The following GRIK4 variants were observed in gnomAD, a reference collection of about 807,000 sequenced individuals.
GRIK4 encodes glutamate ionotropic receptor kainate type subunit 4, also known as glutamate receptor ionotropic, kainate 4.
Under a neutral mutation model 104.9 loss-of-function variants are expected in GRIK4, and 40 were observed. That is an observed-to-expected ratio of 0.38 (90% CI 0.30 to 0.50). The LOEUF (loss-of-function observed/expected upper bound fraction) is 0.50, where lower values mean the gene tolerates loss of function less well. Ranked by LOEUF, GRIK4 falls within the 20% of genes least tolerant of loss-of-function variation. The probability of loss-of-function intolerance (pLI) is 0.93; values close to 1 mark genes in which losing one functional copy is unlikely to be tolerated. For synonymous variants in GRIK4, 485 were observed against 524.9 expected, an observed-to-expected ratio of 0.92 and a Z score of 1.04; for missense variants, 1,047 against 1,308.1, an observed-to-expected ratio of 0.80 and a Z score of 3.08.
chr11:120,717,725 G>A (rs1438293996), intron 3 of GRIK4, among the ~76,000 whole-genome samples: 3 of 152,184 alleles, frequency 2.0e-5, no homozygotes, highest in Non-Finnish European at 4.4e-5. Flanking sequence ...GAGAGGGCTT[G>A]GGTGGGGAAA....
At position 120,787,852 on chromosome 11, in the gene GRIK4, C is replaced by CTTTTT. The variant is rs58523604; in HGVS notation, c.83-14816_83-14812dup. 9.7e-3 allele frequency among the ~76,000 whole-genome samples: 750 copies of CTTTTT among 77,034 alleles called. 40 individuals carry two copies. Among genetic ancestry groups the CTTTTT allele is most frequent in the Middle Eastern group, 0.019 (2 of 106 alleles). 50.5% of individuals were successfully genotyped at this position (77,034 alleles called of 152,430 possible). A position where few individuals can be genotyped will look rare whatever the true frequency, so the allele number is the denominator to read the frequency against. Reference sequence around the variant, plus strand: ...TTTCTTCTCTTTTTTCTTTTCTTTTCTTTTTTTTTTTTTTTTTTTTTTTTT... The same window carrying CTTTTT: ...TTTCTTCTCTTTTTTCTTTTCTTTTCTTTTTTTTTTTTTTTTTTTTTTTTTTTTTT... On this transcript the variant is annotated intron_variant, in intron 3 of 20. Transcript: ENST00000527524.
Position 120,682,843 on chromosome 11 carries a change from T to A in GRIK4, c.82+22443T>A, listed in dbSNP as rs186094354. On this transcript the variant is annotated intron_variant, in intron 3 of 20. Transcript: ENST00000527524. ...ATGGACCTTCTCAACTTTTCTCTGCTTGAGGATCCCTGAACATGACACACT... is the reference window on the plus strand; with the variant it reads ...ATGGACCTTCTCAACTTTTCTCTGCATGAGGATCCCTGAACATGACACACT... Among the ~76,000 whole-genome samples the A allele has an allele frequency of 3.0e-4, 46 of 152,018 alleles. No homozygotes were observed. The East Asian group carries it at 7.4e-3, about 24-fold the overall frequency.
At chr11:120,705,771 A>G (rs1036957553) in intron 3 of GRIK4, among the ~76,000 whole-genome samples, 1 of 152,162 alleles carries the variant, frequency 6.6e-6, no homozygotes, top group African/African-American at 2.4e-5. Flanking sequence ...TTTTAACGCT[A>G]TCGTAAATGG....
At chr11:120,917,615 ACAGT>A (rs1223891771) in intron 13 of GRIK4, among the ~76,000 whole-genome samples, 21 of 152,246 alleles carry the variant, frequency 1.4e-4, no homozygotes, top group Admixed American at 1.2e-3. Flanking sequence ...AGGCCCAGAG[ACAGT>A]CAGCCACAGA....
chr11:120,984,849 GT>G (rs1354915868), intron 20 of GRIK4, among the ~76,000 whole-genome samples: 5 of 136,406 alleles, frequency 3.7e-5, no homozygotes, highest in Non-Finnish European at 6.2e-5. Flanking sequence ...TTGAGATAGA[GT>G]CTCAGTCTGT....
intron 3 of GRIK4, among the ~76,000 whole-genome samples, chr11:120,687,341 A>T (rs190152803): frequency 1.3e-5 from 2 of 152,214 alleles, no homozygotes; most frequent in South Asian, 2.1e-4. Context: ...CAGCGCTTTA[A>T]GATGTTTCTT....
intron 1 of GRIK4, among the ~76,000 whole-genome samples, chr11:120,516,926 G>A (rs1304298653): frequency 3.3e-5 from 5 of 151,850 alleles, no homozygotes; most frequent in South Asian, 4.2e-4. Flanking sequence ...CGGCTGCTGC[G>A]TTCCTGGGCA....
At chr11:120,635,071 A>G (rs541494372) in intron 1 of GRIK4, among the ~76,000 whole-genome samples, 1 of 151,976 alleles carries the variant, frequency 6.6e-6, no homozygotes, top group South Asian at 2.1e-4. Flanking sequence ...GACAGAGGAG[A>G]TAGGAGGGCA....
intron 3 of GRIK4, among the ~76,000 whole-genome samples, chr11:120,701,884 G>A (rs982144424): frequency 3.3e-5 from 5 of 149,332 alleles, no homozygotes; most frequent in African/African-American, 1.2e-4. Context: ...AAAGCCAACA[G>A]AATTTCTTGA....
intron 3 of GRIK4, among the ~76,000 whole-genome samples, chr11:120,767,065 C>T (rs1213620535): frequency 6.6e-6 from 1 of 151,958 alleles, no homozygotes; most frequent in Non-Finnish European, 1.5e-5. Context: ...GGTATATACC[C>T]AGAGGAGGGA....
intron 15 of GRIK4, among the ~76,000 whole-genome samples, chr11:120,954,159 C>T (rs972027715): frequency 6.6e-6 from 1 of 152,080 alleles, no homozygotes; most frequent in African/African-American, 2.4e-5. Flanking sequence ...GGGCACTTCC[C>T]AGACTGCCAG....
Position 120,967,404 on chromosome 11 carries a change from A to T in GRIK4, c.2395+81A>T. On this transcript the variant is annotated intron_variant, in intron 19 of 20. Coordinates refer to ENST00000527524, the MANE Select transcript of GRIK4 (RefSeq NM_014619.5). This position sits in a 1 kb window ranked among gnomAD's most constrained non-coding sequence, Gnocchi z 4.2. ...TCTCGTGTTCAAATTCCAGGTACAC[A>T]TAATGACTTGTAGGACCCATTGAGA... is the stretch of plus-strand genomic sequence containing the variant. 6.8e-7 allele frequency: 1 copy of T among 1,465,244 alleles called. No homozygotes were observed. The highest frequency in any genetic ancestry group is 2.0e-5 in the Admixed American group (1 of 49,854). 90.8% of individuals were successfully genotyped at this position (1,465,244 alleles called of 1,614,324 possible).
intron 1 of GRIK4, among the ~76,000 whole-genome samples, chr11:120,646,515 A>G (rs1565588068): frequency 6.6e-6 from 1 of 151,868 alleles, no homozygotes; most frequent in African/African-American, 2.4e-5. Context: ...CATCCTAATT[A>G]TTTTTTTTGC....
intron 3 of GRIK4, among the ~76,000 whole-genome samples, chr11:120,790,281 A>G (rs1171241396): frequency 2.0e-5 from 3 of 152,208 alleles, no homozygotes; most frequent in Non-Finnish European, 4.4e-5. Flanking sequence ...GAAAGGAATG[A>G]TTGAATGAGT....
chr11:120,797,740 A>G (rs1182037641), intron 3 of GRIK4, among the ~76,000 whole-genome samples: 1 of 152,200 alleles, frequency 6.6e-6, no homozygotes, highest in Admixed American at 6.5e-5. Context: ...GATGTTAGTG[A>G]GTTGGCAATG....
chr11:120,713,084 C>T (rs190688923), intron 3 of GRIK4, among the ~76,000 whole-genome samples: 3 of 152,258 alleles, frequency 2.0e-5, no homozygotes, highest in East Asian at 3.9e-4. Flanking sequence ...TTTTTATAAG[C>T]AGCAGTTTGC....
intron 14 of GRIK4, among the ~76,000 whole-genome samples, chr11:120,944,793 CT>C: frequency 6.6e-6 from 1 of 152,322 alleles, no homozygotes; most frequent in South Asian, 2.1e-4. Context: ...TTATTCCCAG[CT>C]TTTACAGTTA....
At chr11:120,820,082 C>CAT in intron 6 of GRIK4, among the ~76,000 whole-genome samples, 162 bp downstream of exon 6, 1 of 144,734 alleles carries the variant, frequency 6.9e-6, no homozygotes, top group African/African-American at 2.5e-5. Flanking sequence ...CTCATGTGTC[C>CAT]GTGTGTGTGT....
chr11:120,575,187 C>T (rs1033680607), intron 1 of GRIK4, among the ~76,000 whole-genome samples: 15 of 152,110 alleles, frequency 9.9e-5, no homozygotes, highest in African/African-American at 2.7e-4. Flanking sequence ...TGGGATCCTT[C>T]GCTCCCTCCC....
Sources: allele counts gnomAD v4.1 joint callset (sites outside exome capture counted in the v4.1 genomes callset), GRCh38; gene constraint gnomAD v4.1.1; non-coding constraint Gnocchi (gnomAD v3.1); transcripts MANE v1.5; gene names NCBI Gene and HGNC (gene_info 2026-07-23, HGNC 2026-07-21).